The following DNAH3 variants were observed in gnomAD, a reference collection of about 807,000 sequenced individuals.
DNAH3 encodes the protein axonemal beta dynein heavy chain 3.
DNAH3 carries 332 observed loss-of-function variants against 432.5 expected under a neutral mutation model. The ratio of observed to expected loss-of-function variants is 0.77; its 90% CI spans 0.70 to 0.84. The LOEUF (loss-of-function observed/expected upper bound fraction) is 0.84, where lower values mean the gene tolerates loss of function less well. Among genes scored for constraint, DNAH3 ranks in the 40% least tolerant of loss-of-function variants. DNAH3 has a pLI of 0.00. For synonymous variants in DNAH3, 1,956 were observed against 1,900.2 expected, an observed-to-expected ratio of 1.03 and a Z score of -0.76; for missense variants, 4,861 against 5,114.0, an observed-to-expected ratio of 0.95 and a Z score of 1.51.
At position 21,106,652 on chromosome 16, in the gene DNAH3, T is replaced by C. The variant is rs373438407; in HGVS notation, c.2122A>G (p.Ile708Val). 1.4e-5 allele frequency: 23 copies of C among 1,600,608 alleles called. No homozygotes were observed. The highest frequency in any genetic ancestry group is 1.8e-5 in the Non-Finnish European group (21 of 1,170,876). ...GGAACCTCACTGACTTTGTCTGCGA[T>C]GTGGCTGTACTGATTACAAATGCTA... Residue 708 changes from isoleucine to valine, a missense_variant, in exon 15 of 62, where the codon ATC (isoleucine) becomes GTC (valine). Physicochemically the swap from Ile to Val is conservative, Grantham distance 29. Coordinates refer to ENST00000261383, the Ensembl canonical transcript of DNAH3.
At chr16:20,991,671 TCA>T (rs914004231) in intron 44 of DNAH3, among the ~76,000 whole-genome samples, 30 of 152,340 alleles carry the variant, frequency 2.0e-4, no homozygotes, top group African/African-American at 7.0e-4. Flanking sequence ...TGTAGAGTTT[TCA>T]CAGTCAGGAT....
At chr16:20,981,715 A>G (rs921649026) in intron 49 of DNAH3, among the ~76,000 whole-genome samples, 1 of 151,972 alleles carries the variant, frequency 6.6e-6, no homozygotes, top group Non-Finnish European at 1.5e-5. Context: ...ACAGAGTGAG[A>G]CTCCATCTCA....
chr16:21,088,672 C>T (rs1029005365), intron 18 of DNAH3, among the ~76,000 whole-genome samples: 1 of 152,178 alleles, frequency 6.6e-6, no homozygotes, highest in Non-Finnish European at 1.5e-5. Context: ...GAAATTCTAA[C>T]TCTGATCTTA....
chr16:21,121,516 G>T (rs1468936759), intron 10 of DNAH3, among the ~76,000 whole-genome samples: 1 of 152,010 alleles, frequency 6.6e-6, no homozygotes, highest in African/African-American at 2.4e-5. Flanking sequence ...CACAGATATG[G>T]CTTGGGACCT....
Position 21,066,219 on chromosome 16 carries a change from C to T in DNAH3, c.3518+1064G>A, listed in dbSNP as rs148023460. On this transcript the variant is annotated intron_variant, in intron 24 of 61. Transcript: ENST00000261383. ...CTAACTTTGTCTCCATATAAAGAAA[C>T]GCTAAAATTTATGTTTCTTAAAGGT... Among the ~76,000 whole-genome samples the T allele has an allele frequency of 7.5e-3, 1,133 of 150,542 alleles. 16 individuals are homozygous for T. The highest frequency in any genetic ancestry group is 0.026 in the African/African-American group (1,077 of 40,898).
intron 1 of DNAH3, among the ~76,000 whole-genome samples, chr16:21,153,888 C>G (rs1164748938): frequency 6.6e-6 from 1 of 152,188 alleles, no homozygotes; most frequent in Non-Finnish European, 1.5e-5. Flanking sequence ...CAAAGTTGGG[C>G]TTTCCATCCT....
At chr16:20,989,900 T>TGCCC (rs2086460794) in intron 44 of DNAH3, among the ~76,000 whole-genome samples, 1 of 152,182 alleles carries the variant, frequency 6.6e-6, no homozygotes, top group Non-Finnish European at 1.5e-5. Context: ...AGTCCCTCAT[T>TGCCC]GCCCGGGGCC....
chr16:21,147,039 C>A (rs1296666525), intron 1 of DNAH3, among the ~76,000 whole-genome samples: 1 of 152,060 alleles, frequency 6.6e-6, no homozygotes, highest in African/African-American at 2.4e-5. Flanking sequence ...GGATTACAGG[C>A]ATGAGCCACC....
intron 3 of DNAH3, among the ~76,000 whole-genome samples, chr16:21,144,122 C>A (rs910878130): frequency 3.3e-5 from 5 of 152,128 alleles, no homozygotes; most frequent in Non-Finnish European, 7.3e-5. Context: ...TAAATTAATA[C>A]ATACAAGGTG....
At chr16:21,101,496 A>G (rs1293070420) in intron 16 of DNAH3, among the ~76,000 whole-genome samples, 4 of 152,240 alleles carry the variant, frequency 2.6e-5, no homozygotes, top group Non-Finnish European at 4.4e-5. Flanking sequence ...TAGGTTGAAT[A>G]AGAGTTGTAT....
intron 44 of DNAH3, among the ~76,000 whole-genome samples, chr16:20,993,678 G>T (rs1338178747): frequency 1.3e-5 from 2 of 152,016 alleles, no homozygotes; most frequent in African/African-American, 4.8e-5. Flanking sequence ...CTGCCCAAAA[G>T]TTTTTTTCTT....
chr16:21,076,782 T>C (rs1419219206), intron 20 of DNAH3, among the ~76,000 whole-genome samples: 1 of 152,232 alleles, frequency 6.6e-6, no homozygotes, highest in Non-Finnish European at 1.5e-5. Context: ...ACTCTCATTC[T>C]ATTTTGGAAA....
exon 53 of DNAH3, chr16:20,963,925 T>C (rs779859457): frequency 6.2e-7 from 1 of 1,613,982 alleles, no homozygotes; most frequent in South Asian, 1.1e-5. Flanking sequence ...AGTCAGGGAG[T>C]ACTGGTACAT....
chr16:21,019,131 C>T (rs2088011421), intron 41 of DNAH3: 1 of 151,064 alleles, frequency 6.6e-6, no homozygotes, highest in Admixed American at 6.6e-5. Context: ...GACTTCAGGA[C>T]CACCCATGGG....
Position 20,967,468 on chromosome 16 carries a change from C to T in DNAH3, c.8459-2043G>A, listed in dbSNP as rs114590017. Among the ~76,000 whole-genome samples the T allele has an allele frequency of 5.4e-3, 763 of 141,330 alleles. 8 individuals are homozygous for T. Among genetic ancestry groups the T allele is most frequent in the African/African-American group, 0.019 (724 of 37,288 alleles). The allele number at this position is 141,330 out of a possible 152,430, so 92.7% of individuals were successfully genotyped here. A position where few individuals can be genotyped will look rare whatever the true frequency, so the allele number is the denominator to read the frequency against. On this transcript the variant is annotated intron_variant, in intron 52 of 61. Transcript: ENST00000261383. ...TCCCAGACCAATGGAATGAGACTCTCTAGGAGTGGGGCACAGACTTCTGCT... is the reference window on the plus strand; with the variant it reads ...TCCCAGACCAATGGAATGAGACTCTTTAGGAGTGGGGCACAGACTTCTGCT...
chr16:21,010,959 T>C (rs75185718), intron 41 of DNAH3, among the ~76,000 whole-genome samples: 1,599 of 151,446 alleles, frequency 0.011, 15 homozygotes, highest in Non-Finnish European at 0.016. Flanking sequence ...AAAGAGGATA[T>C]ACACAAAAGA....
At chr16:21,103,615 G>A (rs1262950614) in intron 16 of DNAH3, among the ~76,000 whole-genome samples, 1 of 152,116 alleles carries the variant, frequency 6.6e-6, no homozygotes, top group African/African-American at 2.4e-5. Context: ...CATTTTCCAG[G>A]TAGCAACTAC....
intron 3 of DNAH3, 87 bp downstream of exon 4, chr16:21,145,094 A>G: frequency 8.4e-7 from 1 of 1,187,224 alleles, no homozygotes; most frequent in Non-Finnish European, 1.2e-6. Flanking sequence ...CCTGGGCGAC[A>G]GAGTGAGACT....
intron 3 of DNAH3, among the ~76,000 whole-genome samples, chr16:21,142,679 G>T (rs1456502865): frequency 1.4e-5 from 2 of 148,060 alleles, no homozygotes; most frequent in African/African-American, 5.0e-5. Context: ...TTTGAGACAG[G>T]GTCTCACTCT....
Sources: allele counts gnomAD v4.1 joint callset (sites outside exome capture counted in the v4.1 genomes callset), GRCh38; gene constraint gnomAD v4.1.1; transcripts MANE v1.5; gene names NCBI Gene and HGNC (gene_info 2026-07-23, HGNC 2026-07-21).